Variants in SAMSN1 observed in about 807,000 individuals in gnomAD.
SAMSN1 encodes SAM domain, SH3 domain and nuclear localization signals 1, also known as SAM domain-containing protein SAMSN-1.
SAMSN1 carries 31 observed loss-of-function variants against 42.0 expected under a neutral mutation model. The observed-to-expected ratio is 0.74, with a 90% CI of 0.55 to 1.00. SAMSN1 has a LOEUF of 1.00. Ranked by LOEUF, SAMSN1 falls within the 50% of genes least tolerant of loss-of-function variation. The probability of loss-of-function intolerance (pLI) is 0.00; values close to 1 mark genes in which losing one functional copy is unlikely to be tolerated. For missense variants in SAMSN1, 464 were observed against 439.4 expected (o/e 1.06, Z -0.50); for synonymous variants, 178 against 151.9 (o/e 1.17, Z -1.26).
chr21:14,559,853 G>A (rs758546128), intron 2 of SAMSN1, among the ~76,000 whole-genome samples: 11 of 152,048 alleles, frequency 7.2e-5, no homozygotes, highest in Non-Finnish European at 1.6e-4. Flanking sequence ...AATGGGATTT[G>A]AATTCCCCAC....
chr21:14,517,193 A>AT, intron 2 of SAMSN1, 152 bp from the exon 3 acceptor site: 1 of 663,926 alleles, frequency 1.5e-6, no homozygotes, highest in Non-Finnish European at 2.4e-6. Context: ...GACATAACAC[A>AT]TATTTTTAAA....
chr21:14,637,255 C>T (rs1983491399), intron 2 of SAMSN1, among the ~76,000 whole-genome samples: 3 of 152,176 alleles, frequency 2.0e-5, no homozygotes, highest in South Asian at 4.1e-4. Flanking sequence ...GTTTCAGCAT[C>T]GAACTGAAAT....
chr21:14,559,119 AGT>A (rs1187157254), intron 2 of SAMSN1, among the ~76,000 whole-genome samples: 1 of 152,226 alleles, frequency 6.6e-6, no homozygotes, highest in Non-Finnish European at 1.5e-5. Flanking sequence ...TTGTGCAGAT[AGT>A]GTGTTAGAAA....
chr21:14,570,612 A>G (rs1981269280), intron 2 of SAMSN1, among the ~76,000 whole-genome samples: 2 of 152,170 alleles, frequency 1.3e-5, no homozygotes, highest in Non-Finnish European at 1.5e-5. Context: ...GACTTTTGAA[A>G]CTGACATTTC....
chr21:14,580,623 C>T (rs2123241739), intron 2 of SAMSN1, among the ~76,000 whole-genome samples: 1 of 152,356 alleles, frequency 6.6e-6, no homozygotes, highest in South Asian at 2.1e-4. Flanking sequence ...TGGTCAGTTT[C>T]ATCAGTTCGA....
intron 5 of SAMSN1, among the ~76,000 whole-genome samples, chr21:14,505,938 CA>C (rs1386953092): frequency 6.6e-6 from 1 of 152,046 alleles, no homozygotes; most frequent in African/African-American, 2.4e-5. Flanking sequence ...AAATTAACTG[CA>C]AAAGGAACCT....
At chr21:14,520,741 G>A (rs1978404791) in intron 2 of SAMSN1, among the ~76,000 whole-genome samples, 1 of 152,148 alleles carries the variant, frequency 6.6e-6, no homozygotes, top group African/African-American at 2.4e-5. Flanking sequence ...CTGGGGGAAG[G>A]GGACGGAGCT....
chr21:14,602,695 G>A lies in SAMSN1; in HGVS notation c.323-596C>T, dbSNP rs1982467349. On this transcript the variant is annotated intron_variant, in intron 5 of 15. Coordinates refer to the SAMSN1 transcript ENST00000647101. ...TGAAATATATGGTATGTTAAAAGAG[G>A]ACAAGACTTTATGGGTCACTTAATC... Among the ~76,000 whole-genome samples the A allele has an allele frequency of 2.6e-5, 4 of 152,170 alleles. No individual in the cohort carries two copies. In the South Asian group the frequency reaches 8.3e-4, roughly 31 times the overall value.
chr21:14,594,138 C>CA, intron 6 of SAMSN1: 4 of 627,696 alleles, frequency 6.4e-6, no homozygotes, highest in Admixed American at 5.5e-5. Flanking sequence ...AAAAACAAAA[C>CA]AAAAAAACTC....
chr21:14,581,458 A>C lies in SAMSN1; in HGVS notation c.261+678T>G, dbSNP rs563519260. Among the ~76,000 whole-genome samples, 507 of 131,264 alleles carry C rather than the reference A, an allele frequency of 3.9e-3. 3 individuals carry two copies. Among genetic ancestry groups the C allele is most frequent in the Admixed American group, 5.6e-3 (60 of 10,778 alleles). The allele number at this position is 131,264 out of a possible 152,430, so 86.1% of individuals were successfully genotyped here. ...ACTGCAAGCTCCACCTCCTGGGTTCACGCCATTCTTCCGCCTCAGCCTCCC... is the reference window on the plus strand; with the variant it reads ...ACTGCAAGCTCCACCTCCTGGGTTCCCGCCATTCTTCCGCCTCAGCCTCCC... On this transcript the variant is annotated intron_variant, in intron 2 of 8. Transcript: ENST00000285670.
intron 1 of SAMSN1, 81 bp downstream of exon 1, chr21:14,546,124 T>C: frequency 8.3e-7 from 1 of 1,203,900 alleles, no homozygotes; most frequent in South Asian, 1.3e-5. Flanking sequence ...ATGAGAACAT[T>C]GTATGTGTTC....
At chr21:14,565,015 C>T (rs957141813) in intron 2 of SAMSN1, among the ~76,000 whole-genome samples, 3 of 152,074 alleles carry the variant, frequency 2.0e-5, no homozygotes, top group Non-Finnish European at 2.9e-5. Context: ...ATGTTTTGGG[C>T]TGGGAGTGGT....
At chr21:14,512,628 A>T (rs3761320) in intron 3 of SAMSN1, 55 bp from the exon 4 acceptor site, 750,173 of 1,497,376 alleles carry the variant, frequency 0.5, 188,693 homozygotes, top group African/African-American at 0.64. Context: ...ACAGAGATGT[A>T]CATTGAGTAC....
chr21:14,628,960 G>A (rs931021036), intron 2 of SAMSN1, among the ~76,000 whole-genome samples: 1 of 152,200 alleles, frequency 6.6e-6, no homozygotes, highest in African/African-American at 2.4e-5. Context: ...GCACAGAGCA[G>A]TCAACATTCT....
At chr21:14,581,334 A>G (rs1981711276) in intron 2 of SAMSN1, among the ~76,000 whole-genome samples, 1 of 76,738 alleles carries the variant, frequency 1.3e-5, no homozygotes. Flanking sequence ...AATGAGGGGA[A>G]ATAATATTTC....
At chr21:14,538,951 C>T (rs561658787) in intron 1 of SAMSN1, among the ~76,000 whole-genome samples, 3 of 152,274 alleles carry the variant, frequency 2.0e-5, no homozygotes, top group Admixed American at 6.5e-5. Context: ...GAAAAACCTG[C>T]TAAAATTTAT....
chr21:14,642,480 T>A (rs550140625), intron 2 of SAMSN1, among the ~76,000 whole-genome samples: 193 of 152,296 alleles, frequency 1.3e-3, no homozygotes, highest in African/African-American at 4.3e-3. Context: ...TTGAGATAAT[T>A]ATTAACTAAA....
At chr21:14,506,427 T>A (rs1028556162) in intron 5 of SAMSN1, among the ~76,000 whole-genome samples, 5 of 152,044 alleles carry the variant, frequency 3.3e-5, no homozygotes, top group African/African-American at 1.2e-4. Context: ...TTTGCATGCA[T>A]AAACTAGAAA....
intron 5 of SAMSN1, among the ~76,000 whole-genome samples, chr21:14,501,404 A>T (rs1275977899): frequency 6.6e-6 from 1 of 152,248 alleles, no homozygotes; most frequent in Non-Finnish European, 1.5e-5. Context: ...AGAAACAGAG[A>T]TATTAAACGA....
Sources: gnomAD v4.1 joint callset for allele counts (sites outside exome capture counted in the v4.1 genomes callset) on GRCh38, gnomAD v4.1.1 for gene constraint, MANE v1.5 for transcripts, NCBI Gene and HGNC (gene_info 2026-07-23, HGNC 2026-07-21) for gene names.